The following ERLIN2 variants were observed in gnomAD, a reference collection of about 807,000 sequenced individuals.
The protein encoded by ERLIN2 is ER lipid raft associated 2.
Under a neutral mutation model 41.5 loss-of-function variants are expected in ERLIN2, and 22 were observed. The observed-to-expected ratio is 0.53, with a 90% CI of 0.38 to 0.76. ERLIN2 has a LOEUF of 0.76. Ranked by LOEUF, ERLIN2 falls within the 30% of genes least tolerant of loss-of-function variation. The pLI is 0.00. For missense variants in ERLIN2, 247 were observed against 414.3 expected (o/e 0.60, Z 3.51); for synonymous variants, 149 against 150.9 (o/e 0.99, Z 0.09).
intron 1 of ERLIN2, 41 bp from the exon 2 acceptor site, chr8:37,737,867 G>A: frequency 6.2e-7 from 1 of 1,612,408 alleles, no homozygotes; most frequent in East Asian, 2.2e-5. Flanking sequence ...CTTTTCTCCT[G>A]CACGTTGGAC....
At chr8:37,745,299 T>G in intron 6 of ERLIN2, 1 of 516,346 alleles carries the variant, frequency 1.9e-6, no homozygotes, top group Non-Finnish European at 3.4e-6. Flanking sequence ...TTGTGATTAT[T>G]ATTTTTTTAC....
chr8:37,744,457 C>G (rs773180292), intron 5 of ERLIN2, 41 bp downstream of exon 5: 11 of 1,609,666 alleles, frequency 6.8e-6, no homozygotes, highest in Non-Finnish European at 9.4e-6. Flanking sequence ...GCTCACTTTC[C>G]CCAGCATGCC....
chr8:37,740,156 G>A (rs1237753868), intron 2 of ERLIN2, among the ~76,000 whole-genome samples: 1 of 152,222 alleles, frequency 6.6e-6, no homozygotes, highest in Admixed American at 6.5e-5. Context: ...GCAAAAGCAT[G>A]AACAATAGTT....
chr8:37,745,918 A>G (rs1276995980), intron 6 of ERLIN2: 17 of 1,153,626 alleles, frequency 1.5e-5, no homozygotes, highest in African/African-American at 3.2e-5. Flanking sequence ...GACTTGTGAC[A>G]TTACATGAAC....
chr8:37,743,285 A>G (rs1316566653), intron 4 of ERLIN2, among the ~76,000 whole-genome samples: 2 of 152,224 alleles, frequency 1.3e-5, no homozygotes, highest in African/African-American at 4.8e-5. Flanking sequence ...CTACACACCA[A>G]GGGACTAAAA....
intron 6 of ERLIN2, chr8:37,747,607 G>A (rs546546585): frequency 3.1e-6 from 5 of 1,611,840 alleles, no homozygotes; most frequent in African/African-American, 1.3e-5. Flanking sequence ...TTGTTTCTGA[G>A]TATATATGTT....
chr8:37,738,018 G>A lies in ERLIN2; in HGVS notation c.96G>A (p.Gly32=), dbSNP rs748173991. 6.2e-7 allele frequency: 1 copy of A among 1,614,094 alleles called. No individual in the cohort carries two copies. ...AVHKIEEGHI[G]VYYRGGALLT... ...ACAAGATAGAAGAGGGACATATTGG[G>A]GTATATTACAGGTAAGGCAGAGACA... The change falls in exon 2 of 12, where the codon GGG becomes GGA. Residue 32 remains glycine (G), a synonymous_variant. Transcript: ENST00000519638.
rs999213680 is a variant in ERLIN2 at position 37,754,439 on chromosome 8, G to A, written c.*324G>A. On this transcript the variant is annotated 3_prime_UTR_variant, in exon 12 of 12. Coordinates refer to ENST00000519638, the MANE Select transcript of ERLIN2 (RefSeq NM_007175.8). ...GCTGTCATTAAGGAGAGGGAGAAAT[G>A]TAGAGTGTTACCTCCAACTCATTTG... 2.1e-5 allele frequency: 8 copies of A among 374,050 alleles called. No homozygotes were observed. The highest frequency in any genetic ancestry group is 4.1e-5 in the Non-Finnish European group (8 of 194,958). 23.2% of individuals were successfully genotyped at this position (374,050 alleles called of 1,614,324 possible).
At chr8:37,739,967 C>A (rs2129650536) in intron 2 of ERLIN2, among the ~76,000 whole-genome samples, 1 of 152,202 alleles carries the variant, frequency 6.6e-6, no homozygotes, top group Non-Finnish European at 1.5e-5. Flanking sequence ...CCACCACACT[C>A]AGCTAATTTT....
At position 37,744,976 on chromosome 8, in the gene ERLIN2, G is replaced by A. The variant is rs1802989175; in HGVS notation, c.424+280G>A. On this transcript the variant is annotated intron_variant, in intron 6 of 11. Coordinates refer to ENST00000519638, the MANE Select transcript of ERLIN2 (RefSeq NM_007175.8). The stretch of plus-strand genomic sequence containing the variant: ...CAATCAGAGGCTGGAGTGGAAATGT[G>A]TTCCCACTGTTCCTAAACTATCATT... The A allele has an allele frequency of 6.5e-6, 4 of 611,748 alleles. No homozygotes were observed. In the East Asian group the frequency reaches 8.2e-5, roughly 13 times the overall value. The allele number at this position is 611,748 out of a possible 1,614,324, so 37.9% of individuals were successfully genotyped here. A position where few individuals can be genotyped will look rare whatever the true frequency, so the allele number is the denominator to read the frequency against.
Position 37,750,479 on chromosome 8 carries a change from G to T in ERLIN2, c.642G>T (p.Ala214=), listed in dbSNP as rs763446389. ...AAGCAGAGACAGAGCGGAAGAAGGCGCTCATTGGTCTGAATGTGGTTCTGT... is the reference window on the plus strand; with the variant it reads ...AAGCAGAGACAGAGCGGAAGAAGGCTCTCATTGGTCTGAATGTGGTTCTGT... ...EKEAETERKK[A]LIEAEKVAQV... Residue 214 remains alanine, a synonymous_variant, in exon 9 of 12, where the codon GCG becomes GCT. Transcript: ENST00000519638. 5.6e-6 allele frequency: 9 copies of T among 1,612,422 alleles called. No homozygotes were observed. In the East Asian group the frequency reaches 6.7e-5, roughly 12 times the overall value.
chr8:37,744,812 A>G, intron 6 of ERLIN2, 116 bp downstream of exon 6: 2 of 1,115,826 alleles, frequency 1.8e-6, no homozygotes, highest in Non-Finnish European at 2.7e-6. Context: ...ATGGACAGGA[A>G]ATGTTAAAGA....
chr8:37,745,803 C>G (rs1803025946), intron 6 of ERLIN2: 1 of 1,378,746 alleles, frequency 7.3e-7, no homozygotes, highest in African/African-American at 1.5e-5. Context: ...TTTGGATTCA[C>G]TGTGCTTTTA....
At position 37,757,021 on chromosome 8, in the gene ERLIN2, A is replaced by G. The variant is rs1394938052; in HGVS notation, c.*2906A>G. On this transcript the variant is annotated 3_prime_UTR_variant, in exon 12 of 12. Coordinates refer to ENST00000519638, the MANE Select transcript of ERLIN2 (RefSeq NM_007175.8). ...AATTTTTATATAACTAAAATAAAATAGATGTGGAGGGATCTGTGATCATAT... is the reference window on the plus strand; with the variant it reads ...AATTTTTATATAACTAAAATAAAATGGATGTGGAGGGATCTGTGATCATAT... The G allele has an allele frequency of 6.6e-6, 1 of 152,236 alleles. No homozygotes were observed. The highest frequency in any genetic ancestry group is 2.4e-5 in the African/African-American group (1 of 41,474). The allele number at this position is 152,236 out of a possible 1,614,324, so 9.4% of individuals were successfully genotyped here. A position where few individuals can be genotyped will look rare whatever the true frequency, so the allele number is the denominator to read the frequency against.
chr8:37,742,887 G>A (rs190462589), intron 4 of ERLIN2, among the ~76,000 whole-genome samples: 8 of 152,322 alleles, frequency 5.3e-5, no homozygotes, highest in Admixed American at 5.2e-4. Context: ...GTTTTTAGCA[G>A]ATAAATGACC....
At chr8:37,736,882 G>A (rs375491607) in intron 1 of ERLIN2, 1 of 985,992 alleles carries the variant, frequency 1.0e-6, no homozygotes. Context: ...TGGAGCCGCA[G>A]CCCCAGACCA....
intron 6 of ERLIN2, chr8:37,747,834 A>T: frequency 6.2e-7 from 1 of 1,613,226 alleles, no homozygotes; most frequent in Non-Finnish European, 8.5e-7. Context: ...CATCAATCAC[A>T]CGGGACCGGT....
chr8:37,749,742 G>A, intron 7 of ERLIN2, 52 bp from the exon 8 acceptor site: 1 of 1,579,870 alleles, frequency 6.3e-7, no homozygotes. Flanking sequence ...AGCTGGGTGT[G>A]TCCCTCACTA....
rs961811546 is a variant in ERLIN2 at position 37,744,484 on chromosome 8, T to C, written c.298+68T>C. ...CAGCATGCCACTCCCGTGTCTGTTGTAGCACCTTGGAAAAGGAGAGCTGCC... is the reference window on the plus strand; with the variant it reads ...CAGCATGCCACTCCCGTGTCTGTTGCAGCACCTTGGAAAAGGAGAGCTGCC... On this transcript the variant is annotated intron_variant, in intron 5 of 11. Transcript: ENST00000519638. The C allele has an allele frequency of 1.4e-5, 22 of 1,609,842 alleles. No homozygotes were observed. In the South Asian group the frequency reaches 1.9e-4, roughly 14 times the overall value.
Sources: gnomAD v4.1 joint callset for allele counts (sites outside exome capture counted in the v4.1 genomes callset) on GRCh38, gnomAD v4.1.1 for gene constraint, MANE v1.5 for transcripts, NCBI Gene and HGNC (gene_info 2026-07-23, HGNC 2026-07-21) for gene names.